EFCAB5: variants seen among roughly 807,000 people sequenced by gnomAD.
EFCAB5 encodes the protein EF-hand calcium-binding domain-containing protein 5.
Under a neutral mutation model 167.9 loss-of-function variants are expected in EFCAB5, and 131 were observed. The observed-to-expected ratio is 0.78, with a 90% CI of 0.68 to 0.90. The LOEUF (loss-of-function observed/expected upper bound fraction) is 0.90. Ranked by LOEUF, EFCAB5 falls within the 40% of genes least tolerant of loss-of-function variation. EFCAB5 has a pLI of 0.00. For synonymous variants in EFCAB5, 574 were observed against 602.8 expected, an observed-to-expected ratio of 0.95 and a Z score of 0.70; for missense variants, 1,663 against 1,745.2, an observed-to-expected ratio of 0.95 and a Z score of 0.84.
At chr17:30,101,992 C>T (rs2071388562) in intron 22 of EFCAB5, among the ~76,000 whole-genome samples, 1 of 152,186 alleles carries the variant, frequency 6.6e-6, no homozygotes, top group African/African-American at 2.4e-5. Context: ...CTCTTTCTCT[C>T]TCAAGTGTAC....
chr17:30,079,520 T>G (rs1380024169), intron 15 of EFCAB5, among the ~76,000 whole-genome samples: 1 of 152,174 alleles, frequency 6.6e-6, no homozygotes, highest in Non-Finnish European at 1.5e-5. Flanking sequence ...GTACAGAGAA[T>G]TTATAGTTGC....
At chr17:29,989,702 C>T (rs1401790355) in intron 4 of EFCAB5, among the ~76,000 whole-genome samples, 1 of 152,054 alleles carries the variant, frequency 6.6e-6, no homozygotes, top group Non-Finnish European at 1.5e-5. Context: ...TGGAGAATTC[C>T]AAGGGGAAAA....
intron 1 of EFCAB5, chr17:29,929,944 G>A (rs766328918): frequency 1.9e-6 from 3 of 1,600,702 alleles, no homozygotes; most frequent in Non-Finnish European, 2.6e-6. Context: ...TCACCGAGGC[G>A]CAGGGGCTGG....
At chr17:30,012,050 A>G (rs1024835531) in intron 7 of EFCAB5, among the ~76,000 whole-genome samples, 1 of 152,196 alleles carries the variant, frequency 6.6e-6, no homozygotes, top group African/African-American at 2.4e-5. Context: ...ACCAGAAGAC[A>G]AGAGTGCGAG....
chr17:29,937,811 A>G (rs149386394), upstream of EFCAB5, among the ~76,000 whole-genome samples: 13 of 152,340 alleles, frequency 8.5e-5, 1 homozygote, highest in African/African-American at 2.9e-4. Context: ...CCATCTGGCC[A>G]CCGCAAACCC....
chr17:29,958,496 A>T (rs1214579122), intron 3 of EFCAB5, among the ~76,000 whole-genome samples: 4 of 152,130 alleles, frequency 2.6e-5, no homozygotes, highest in Admixed American at 1.3e-4. Context: ...TTTAAAAGAT[A>T]TTTCAATCTG....
At chr17:30,093,043 G>A (rs947384830) in intron 22 of EFCAB5, 107 bp downstream of exon 22, 1 of 748,226 alleles carries the variant, frequency 1.3e-6, no homozygotes, top group Non-Finnish European at 2.1e-6. Flanking sequence ...GTTTTTAGGA[G>A]AAAATAGTTA....
chr17:30,055,469 T>C (rs1463110071), intron 10 of EFCAB5, among the ~76,000 whole-genome samples: 1 of 152,204 alleles, frequency 6.6e-6, no homozygotes, highest in Non-Finnish European at 1.5e-5. Flanking sequence ...CTTTTACTTA[T>C]TAAATTGTGA....
rs540830772 is a variant in EFCAB5, at chr17:30,055,745, C to T, written c.2195-143C>T. On this transcript the variant is annotated intron_variant, in intron 10 of 22. Transcript: ENST00000394835. The stretch of plus-strand genomic sequence containing the variant: ...AGTTATTCAGTGACTTCACTGTGGT[C>T]GATTGCAACACTGCATATATGGGAA... 5.1e-5 allele frequency: 39 copies of T among 770,014 alleles called. No homozygotes were observed. In the Admixed American group the frequency reaches 7.7e-4, roughly 15 times the overall value. The allele number at this position is 770,014 out of a possible 1,614,324, so 47.7% of individuals were successfully genotyped here.
chr17:30,016,305 CAAA>C (rs992683442), intron 7 of EFCAB5, among the ~76,000 whole-genome samples: 1 of 151,838 alleles, frequency 6.6e-6, no homozygotes, highest in Non-Finnish European at 1.5e-5. Flanking sequence ...GATGTCATAT[CAAA>C]AAACCATTGC....
intron 19 of EFCAB5, among the ~76,000 whole-genome samples, chr17:30,089,654 G>A (rs1336673920): frequency 6.6e-6 from 1 of 152,132 alleles, no homozygotes; most frequent in Non-Finnish European, 1.5e-5. Flanking sequence ...GGCACGGCCT[G>A]GCTCACACCG....
chr17:30,041,453 T>C (rs777606736), intron 8 of EFCAB5, among the ~76,000 whole-genome samples: 4 of 152,226 alleles, frequency 2.6e-5, no homozygotes, highest in African/African-American at 4.8e-5. Context: ...TGTAATCTCA[T>C]GATAAAACTT....
At chr17:30,007,135 C>T (rs2068789069) in intron 7 of EFCAB5, among the ~76,000 whole-genome samples, 1 of 152,076 alleles carries the variant, frequency 6.6e-6, no homozygotes, top group Admixed American at 6.6e-5. Context: ...TTGCTTTTAG[C>T]AAACTCGGCT....
intron 4 of EFCAB5, among the ~76,000 whole-genome samples, chr17:29,983,557 C>T (rs2068220705): frequency 6.6e-6 from 1 of 152,128 alleles, no homozygotes; most frequent in African/African-American, 2.4e-5. Context: ...TGCAATTTTT[C>T]CATAATGTAG....
At chr17:29,945,801 C>G (rs2067385813) in intron 3 of EFCAB5, among the ~76,000 whole-genome samples, 1 of 152,100 alleles carries the variant, frequency 6.6e-6, no homozygotes, top group African/African-American at 2.4e-5. Context: ...AAGAATGAAA[C>G]TGCATCCCTA....
At chr17:29,951,546 G>A (rs557977914) in intron 3 of EFCAB5, among the ~76,000 whole-genome samples, 7 of 150,864 alleles carry the variant, frequency 4.6e-5, no homozygotes, top group Middle Eastern at 3.4e-3. Context: ...TAGTAGAGAC[G>A]GGGTTTCACC....
At chr17:29,960,782 T>C (rs902924456) in intron 3 of EFCAB5, among the ~76,000 whole-genome samples, 1 of 152,204 alleles carries the variant, frequency 6.6e-6, no homozygotes, top group African/African-American at 2.4e-5. Flanking sequence ...TTTGGATATA[T>C]ACATAGAAGT....
At chr17:30,054,769 T>C (rs1330334612) in intron 10 of EFCAB5, among the ~76,000 whole-genome samples, 1 of 152,234 alleles carries the variant, frequency 6.6e-6, no homozygotes, top group Non-Finnish European at 1.5e-5. Flanking sequence ...TGTGCACCAT[T>C]CTGAGTAGTG....
At chr17:30,073,242 G>A (rs1256738872) in intron 14 of EFCAB5, 2 of 656,256 alleles carry the variant, frequency 3.0e-6, no homozygotes, top group African/African-American at 1.8e-5. Context: ...TTTTTGGTAT[G>A]GATGGGGTCT....
Sources: gnomAD v4.1 joint callset for allele counts (sites outside exome capture counted in the v4.1 genomes callset) on GRCh38, gnomAD v4.1.1 for gene constraint, MANE v1.5 for transcripts, NCBI Gene and HGNC (gene_info 2026-07-23, HGNC 2026-07-21) for gene names.